Variants in ASPSCR1 observed in about 807,000 individuals in gnomAD.
The protein encoded by ASPSCR1 is tether containing UBX domain for GLUT4.
In ASPSCR1, 55 loss-of-function variants were observed where a neutral mutation model predicts 68.9. The observed-to-expected ratio is 0.80, with a 90% confidence interval of 0.64 to 1.00. The LOEUF (loss-of-function observed/expected upper bound fraction) is 1.00, where lower values mean the gene tolerates loss of function less well. ASPSCR1 is among the 50% of genes least tolerant of loss of function. The probability of loss-of-function intolerance (pLI) is 0.00; values close to 1 mark genes in which losing one functional copy is unlikely to be tolerated. For synonymous variants in ASPSCR1, 352 were observed against 332.6 expected, an observed-to-expected ratio of 1.06 and a Z score of -0.63; for missense variants, 765 against 762.2, an observed-to-expected ratio of 1.00 and a Z score of -0.04.
intron 8 of ASPSCR1, 61 bp from the exon 9 acceptor site, chr17:82,009,425 G>T: frequency 6.7e-7 from 1 of 1,497,348 alleles, no homozygotes; most frequent in East Asian, 2.5e-5. Flanking sequence ...AGGAGCCCGG[G>T]GCCTGTTGCC....
intron 4 of ASPSCR1, among the ~76,000 whole-genome samples, chr17:81,993,727 G>A (rs1455416769): frequency 1.3e-5 from 2 of 152,266 alleles, no homozygotes; most frequent in East Asian, 3.8e-4. Context: ...CCCCCATCCC[G>A]GAGGGTTGCT....
At chr17:82,016,896 C>T (rs1328834469) in intron 14 of ASPSCR1, 27 bp downstream of exon 14, 2 of 1,612,222 alleles carry the variant, frequency 1.2e-6, no homozygotes, top group East Asian at 2.2e-5. Context: ...CTGGGGGCAC[C>T]TCCCGTGGCG....
Position 81,987,184 on chromosome 17 carries a change from C to G in ASPSCR1, c.374+1577C>G, listed in dbSNP as rs960980830. ...GCCACGGGCAGGGGTGAGCGGGACC[C>G]GAGGCAGGAGATGACGGAGCCTGAG... On this transcript the variant is annotated intron_variant, in intron 4 of 15. Transcript: ENST00000306739. This position sits in a 1 kb window ranked among gnomAD's most constrained non-coding sequence, Gnocchi z 5.6. Among the ~76,000 whole-genome samples, 5 of 150,042 alleles carry G rather than the reference C, an allele frequency of 3.3e-5. No individual in the cohort carries two copies. Among genetic ancestry groups the G allele is most frequent in the Non-Finnish European group, 7.4e-5 (5 of 67,822 alleles).
intron 4 of ASPSCR1, among the ~76,000 whole-genome samples, chr17:81,991,930 G>C (rs549561838): frequency 1.3e-5 from 2 of 152,256 alleles, no homozygotes; most frequent in Non-Finnish European, 2.9e-5. Context: ...TTGCCGGAGC[G>C]GGGCCCCAGC....
Position 82,011,549 on chromosome 17 carries a change from A to C in ASPSCR1, c.1244A>C (p.Asp415Ala). The C allele has an allele frequency of 6.3e-7, 1 of 1,577,680 alleles. No homozygotes were observed. The highest frequency in any genetic ancestry group is 8.6e-7 in the Non-Finnish European group (1 of 1,168,490). ...TTCTTTTTCTCCTCTGCAGTGGGGG[A>C]CTTGCGAGACTTCGTGAGGAGCCAC... ...GFFRPSETVG[D>A]LRDFVRSHLG... Residue 415 changes from aspartate to alanine, a missense_variant, in exon 11 of 16, where the codon GAC (aspartate) becomes GCC (alanine). Transcript: ENST00000306739.
intron 7 of ASPSCR1, 136 bp downstream of exon 7, chr17:81,996,982 A>C: frequency 6.7e-7 from 1 of 1,491,000 alleles, no homozygotes; most frequent in Non-Finnish European, 8.9e-7. Context: ...AGGAACCCAA[A>C]CGCGGGGCTC....
At chr17:81,984,938 C>G (rs1199806174) in intron 3 of ASPSCR1, among the ~76,000 whole-genome samples, 1 of 125,044 alleles carries the variant, frequency 8.0e-6, no homozygotes, top group Non-Finnish European at 1.7e-5. Flanking sequence ...CCCCCACACC[C>G]GCACACACCC....
At chr17:81,991,714 C>T (rs1287772825) in intron 4 of ASPSCR1, among the ~76,000 whole-genome samples, 1 of 152,372 alleles carries the variant, frequency 6.6e-6, no homozygotes, top group South Asian at 2.1e-4. Context: ...GCTGGGCTGT[C>T]ATGTGGTGGG....
At chr17:81,981,789 G>A (rs773244022) in intron 2 of ASPSCR1, among the ~76,000 whole-genome samples, 8 of 150,482 alleles carry the variant, frequency 5.3e-5, no homozygotes, top group South Asian at 4.2e-4. Flanking sequence ...GTGCCTCAGC[G>A]TCTTGAGTAG....
chr17:81,977,915 GCTGGGGTCC>G lies in ASPSCR1; in HGVS notation c.102+169_102+177del, dbSNP rs2041660408. On this transcript the variant is annotated intron_variant, in intron 1 of 15. Coordinates refer to ENST00000306739, the MANE Select transcript of ASPSCR1 (RefSeq NM_024083.4). This position sits in a 1 kb window ranked among gnomAD's most constrained non-coding sequence, Gnocchi z 5.0. ...CCTGCTCGCCGTCACCTGCGCTTCCGCTGGGGTCCCGGGGGTCCCGGGGGTCCCGAGTGG... is the reference window on the plus strand; with the variant it reads ...CCTGCTCGCCGTCACCTGCGCTTCCGCGGGGGTCCCGGGGGTCCCGAGTGG... 4.6e-6 allele frequency: 2 copies of G among 432,658 alleles called. No individual in the cohort carries two copies. The highest frequency in any genetic ancestry group is 4.9e-5 in the Admixed American group (1 of 20,374). The allele number at this position is 432,658 out of a possible 1,614,324, so 26.8% of individuals were successfully genotyped here.
chr17:81,985,142 A>G (rs1411498516), intron 3 of ASPSCR1, among the ~76,000 whole-genome samples: 1 of 138,612 alleles, frequency 7.2e-6, no homozygotes, highest in African/African-American at 2.7e-5. Flanking sequence ...ACACACGCAC[A>G]TCTGCACGCA....
chr17:82,002,650 C>T (rs955970718), intron 7 of ASPSCR1, among the ~76,000 whole-genome samples: 1 of 152,120 alleles, frequency 6.6e-6, no homozygotes, highest in African/African-American at 2.4e-5. Flanking sequence ...GCAACCTCCA[C>T]CTCCCGGGTT....
rs552756636 is a variant in ASPSCR1, at chr17:81,983,445, C to G, written c.159-109C>G. The G allele has an allele frequency of 2.3e-6, 2 of 867,636 alleles. No individual in the cohort carries two copies. Among genetic ancestry groups the G allele is most frequent in the African/African-American group, 3.4e-5 (2 of 59,540 alleles). The allele number at this position is 867,636 out of a possible 1,614,324, so 53.7% of individuals were successfully genotyped here. A position where few individuals can be genotyped will look rare whatever the true frequency, so the allele number is the denominator to read the frequency against. ...GGGAGCTGCCACAGGACGTGGATGG[C>G]GGGGCGTGGATGGCGGGGCGTGGAT... On this transcript the variant is annotated intron_variant, in intron 2 of 15. Coordinates refer to ENST00000306739, the MANE Select transcript of ASPSCR1 (RefSeq NM_024083.4). The surrounding 1 kb of genome is among the most constrained non-coding windows in gnomAD (Gnocchi z 4.4).
At chr17:81,991,696 G>A (rs553286270) in intron 4 of ASPSCR1, among the ~76,000 whole-genome samples, 3 of 152,364 alleles carry the variant, frequency 2.0e-5, no homozygotes, top group East Asian at 1.9e-4. Context: ...CTGTCTAGCC[G>A]CTTGGCGGCT....
intron 12 of ASPSCR1, chr17:82,015,404 G>A (rs1448965444): frequency 6.4e-7 from 1 of 1,555,036 alleles, no homozygotes; most frequent in Non-Finnish European, 8.7e-7. Context: ...CAGACAGGGA[G>A]CCCAGGTGCC....
intron 8 of ASPSCR1, 76 bp downstream of exon 8, chr17:82,009,267 C>T (rs1374290067): frequency 6.7e-7 from 1 of 1,488,786 alleles, no homozygotes. Flanking sequence ...TGCCCGCTGT[C>T]CCCAGTGCCA....
chr17:82,015,472 C>T (rs1021825871), intron 12 of ASPSCR1: 1 of 1,323,998 alleles, frequency 7.6e-7, no homozygotes, highest in African/African-American at 1.5e-5. Flanking sequence ...CCTGCCCGCC[C>T]CTTTCTGTGC....
chr17:82,011,720 T>A, intron 11 of ASPSCR1, 115 bp downstream of exon 11: 1 of 1,187,610 alleles, frequency 8.4e-7, no homozygotes, highest in Non-Finnish European at 1.2e-6. Context: ...GAGCAGCATC[T>A]GTGGCCTCCC....
At chr17:81,982,593 G>A (rs2041829573) in intron 2 of ASPSCR1, 1 of 152,250 alleles carries the variant, frequency 6.6e-6, no homozygotes, top group South Asian at 2.1e-4. Context: ...AGCAAAGTTT[G>A]TTCTCTCTTA....
Sources: gnomAD v4.1 joint callset for allele counts (sites outside exome capture counted in the v4.1 genomes callset) on GRCh38, gnomAD v4.1.1 for gene constraint, Gnocchi (gnomAD v3.1) non-coding constraint, MANE v1.5 for transcripts, NCBI Gene and HGNC (gene_info 2026-07-23, HGNC 2026-07-21) for gene names.